Variants in TRAF3 observed in about 807,000 individuals in gnomAD.
TRAF3 encodes TNF receptor-associated factor 3.
TRAF3 carries 13 observed loss-of-function variants against 62.3 expected under a neutral mutation model. The observed-to-expected ratio is 0.21, with a 90% CI of 0.14 to 0.33. The LOEUF (loss-of-function observed/expected upper bound fraction) is 0.33. Ranked by LOEUF, TRAF3 falls within the 10% of genes least tolerant of loss-of-function variation. The pLI is 1.00. For synonymous variants in TRAF3, 269 were observed against 283.4 expected (o/e 0.95, Z 0.51); for missense variants, 440 against 741.8 (o/e 0.59, Z 4.73).
chr14:102,826,428 C>T lies in TRAF3; in HGVS notation c.-156-3906C>T, dbSNP rs778594174. On this transcript the variant is annotated intron_variant, in intron 1 of 11. Coordinates refer to ENST00000392745, the MANE Select transcript of TRAF3 (RefSeq NM_145725.3). This position sits in a 1 kb window ranked among gnomAD's most constrained non-coding sequence, Gnocchi z 4.6. ...TGTGCGGGGGCAGCTGCAGAGCCGC[C>T]GCTTCAGGACAGCATGGGAGCTGCT... 1.3e-5 allele frequency among the ~76,000 whole-genome samples: 2 copies of T among 152,146 alleles called. No individual in the cohort carries two copies. Among genetic ancestry groups the T allele is most frequent in the East Asian group, 1.9e-4 (1 of 5,194 alleles).
intron 6 of TRAF3, among the ~76,000 whole-genome samples, chr14:102,882,710 G>T (rs1013468264): frequency 3.9e-5 from 6 of 152,234 alleles, no homozygotes; most frequent in Admixed American, 2.6e-4. Context: ...GTGTTCTGTG[G>T]TGTGTCACAA....
At chr14:102,815,919 A>G (rs532732921) in intron 1 of TRAF3, among the ~76,000 whole-genome samples, 141 of 152,186 alleles carry the variant, frequency 9.3e-4, no homozygotes, top group African/African-American at 3.0e-3. Context: ...CTATAATCCA[A>G]TCACTTCCTT....
chr14:102,879,246 T>C (rs920450877), intron 6 of TRAF3, among the ~76,000 whole-genome samples: 8 of 152,104 alleles, frequency 5.3e-5, no homozygotes, highest in African/African-American at 1.7e-4. Context: ...GCGTGGGCCA[T>C]CATCCAGTTC....
intron 6 of TRAF3, among the ~76,000 whole-genome samples, chr14:102,877,441 A>T (rs1374873415): frequency 2.1e-5 from 3 of 139,968 alleles, no homozygotes; most frequent in Non-Finnish European, 3.0e-5. Flanking sequence ...TCCATTCCAC[A>T]GGACTTCTGC....
chr14:102,824,683 T>C (rs1900190480), intron 1 of TRAF3, among the ~76,000 whole-genome samples: 1 of 152,242 alleles, frequency 6.6e-6, no homozygotes. Flanking sequence ...ATCAAATTCA[T>C]GTAAATGCGC....
At chr14:102,792,432 A>ATTTTT (rs35496572) in intron 1 of TRAF3, among the ~76,000 whole-genome samples, 2 of 122,746 alleles carry the variant, frequency 1.6e-5, no homozygotes, top group Admixed American at 8.3e-5. Flanking sequence ...CAGTTAATTG[A>ATTTTT]TTTTTTTTTT....
intron 3 of TRAF3, among the ~76,000 whole-genome samples, chr14:102,871,064 T>C (rs1888313575): frequency 6.6e-6 from 1 of 152,232 alleles, no homozygotes; most frequent in South Asian, 2.1e-4. Context: ...TTTCTGGCAT[T>C]GTGCTGGGTG....
intron 6 of TRAF3, among the ~76,000 whole-genome samples, chr14:102,882,559 T>C (rs549654045): frequency 7.3e-6 from 1 of 137,038 alleles, no homozygotes; most frequent in Admixed American, 7.2e-5. Flanking sequence ...TTAATTCCCA[T>C]GTATTTTGTT....
chr14:102,843,049 A>G (rs1886471486), intron 2 of TRAF3, among the ~76,000 whole-genome samples: 1 of 151,930 alleles, frequency 6.6e-6, no homozygotes, highest in Non-Finnish European at 1.5e-5. Flanking sequence ...CTCTACTAAA[A>G]AAAATTAGCT....
chr14:102,875,808 G>T (rs1462643168), intron 5 of TRAF3, 80 bp downstream of exon 5: 3 of 1,235,214 alleles, frequency 2.4e-6, no homozygotes, highest in African/African-American at 3.0e-5. Context: ...GTGGTCAGTA[G>T]GATGTGGCAC....
intron 1 of TRAF3, among the ~76,000 whole-genome samples, chr14:102,785,240 G>A (rs1203337178): frequency 6.6e-6 from 1 of 152,164 alleles, no homozygotes; most frequent in Non-Finnish European, 1.5e-5. Flanking sequence ...CTATATGGCT[G>A]ATACTCTAGG....
chr14:102,866,189 A>G (rs530743339), intron 2 of TRAF3, among the ~76,000 whole-genome samples: 28 of 152,332 alleles, frequency 1.8e-4, no homozygotes, highest in African/African-American at 6.3e-4. Context: ...TAGAAAACCA[A>G]ACACCACATG....
At position 102,790,634 on chromosome 14, in the gene TRAF3, C is replaced by T. The variant is rs1049358216; in HGVS notation, c.-157+12959C>T. On this transcript the variant is annotated intron_variant, in intron 1 of 11. Coordinates refer to ENST00000392745, the MANE Select transcript of TRAF3 (RefSeq NM_145725.3). The stretch of plus-strand genomic sequence containing the variant: ...CTTGTGAGACTTACTATCATGAGAA[C>T]AGCACCCCCACGATTCAGTTACCTC... Among the ~76,000 whole-genome samples the T allele has an allele frequency of 5.9e-5, 9 of 152,266 alleles. No individual in the cohort carries two copies. In the South Asian group the frequency reaches 1.9e-3, roughly 32 times the overall value.
chr14:102,881,849 G>C (rs1245724151), intron 6 of TRAF3, among the ~76,000 whole-genome samples: 1 of 152,182 alleles, frequency 6.6e-6, no homozygotes. Flanking sequence ...AGAAGGAATC[G>C]TAGCGTATGT....
intron 4 of TRAF3, 96 bp from the exon 5 acceptor site, chr14:102,875,528 G>GTTT (rs5811085): frequency 8.0e-4 from 667 of 836,328 alleles, no homozygotes; most frequent in Admixed American, 2.4e-3. Context: ...TTCCTCTCTT[G>GTTT]TTTTTTTTTT....
intron 8 of TRAF3, among the ~76,000 whole-genome samples, chr14:102,890,717 ACT>A (rs1889661094): frequency 6.6e-6 from 1 of 152,222 alleles, no homozygotes; most frequent in Non-Finnish European, 1.5e-5. Flanking sequence ...CTTATTCCTG[ACT>A]CTAAAATGGT....
intron 2 of TRAF3, among the ~76,000 whole-genome samples, chr14:102,869,238 G>A (rs1888187488): frequency 6.6e-6 from 1 of 152,220 alleles, no homozygotes; most frequent in Admixed American, 6.5e-5. Context: ...AGATGAGGGT[G>A]AATGTCAAAA....
chr14:102,833,945 C>T (rs1014572330), intron 2 of TRAF3, among the ~76,000 whole-genome samples: 12 of 148,804 alleles, frequency 8.1e-5, no homozygotes, highest in Non-Finnish European at 1.6e-4. Context: ...GCCAAGATTG[C>T]GCCACTGCAC....
chr14:102,859,017 C>T (rs186649179), intron 2 of TRAF3, among the ~76,000 whole-genome samples: 5 of 152,278 alleles, frequency 3.3e-5, no homozygotes, highest in Admixed American at 6.5e-5. Context: ...AACCTTGTTA[C>T]GCTTTTATTC....
Sources: allele counts gnomAD v4.1 joint callset (sites outside exome capture counted in the v4.1 genomes callset), GRCh38; gene constraint gnomAD v4.1.1; non-coding constraint Gnocchi (gnomAD v3.1); transcripts MANE v1.5; gene names NCBI Gene and HGNC (gene_info 2026-07-23, HGNC 2026-07-21).